Variants in PROSER2 observed in about 807,000 individuals in gnomAD.
The protein encoded by PROSER2 is proline and serine rich 2.
A neutral mutation model predicts 14.6 loss-of-function variants in PROSER2; 18 were observed. That is an observed-to-expected ratio of 1.23 (90% CI 0.85 to 1.83). PROSER2 has a LOEUF of 1.83. Ranked by LOEUF, PROSER2 falls within the 40% of genes most tolerant of loss-of-function variation. The pLI, the probability that PROSER2 is intolerant of heterozygous loss-of-function variation, is 0.00. For synonymous variants in PROSER2, 367 were observed against 286.4 expected, an observed-to-expected ratio of 1.28 and a Z score of -2.84; for missense variants, 823 against 629.8, an observed-to-expected ratio of 1.31 and a Z score of -3.28.
rs1834321585 is a variant in PROSER2 at position 11,865,221 on chromosome 10, A to T, written c.139-1310A>T. On this transcript the variant is annotated intron_variant, in intron 2 of 3. Coordinates refer to ENST00000277570, the MANE Select transcript of PROSER2 (RefSeq NM_153256.4). This position sits in a 1 kb window ranked among gnomAD's most constrained non-coding sequence, Gnocchi z 4.2. ...TATCCTTTTTTTTCATAGTTTTCTG[A>T]TTTTACAACTTTATCTTTTAGGCTT... Among the ~76,000 whole-genome samples the T allele has an allele frequency of 6.8e-6, 1 of 146,284 alleles. No individual in the cohort carries two copies. The highest frequency in any genetic ancestry group is 1.5e-5 in the Non-Finnish European group (1 of 66,142).
chr10:11,860,020 C>T lies in PROSER2; in HGVS notation c.139-6511C>T, dbSNP rs562079780. On this transcript the variant is annotated intron_variant, in intron 2 of 3. Transcript: ENST00000277570. ...CTGACCCTGAGGCCCTGATCCCTTC[C>T]CCACCGGCACTCTCTGCTTCTGCTC... Among the ~76,000 whole-genome samples, 4 of 152,312 alleles carry T rather than the reference C, an allele frequency of 2.6e-5. No homozygotes were observed. In the East Asian group the frequency reaches 5.8e-4, roughly 22 times the overall value.
At chr10:11,840,922 CAAAAAAAAAAAAAAAAAAAA>C (rs1169517487) in intron 1 of PROSER2, among the ~76,000 whole-genome samples, 1 of 50,374 alleles carries the variant, frequency 2.0e-5, no homozygotes, top group African/African-American at 8.0e-5. Context: ...GAGACTGTCT[CAAAAAAAAAAAAAAAAAAAA>C]AAAAAAAAAA....
intron 1 of PROSER2, among the ~76,000 whole-genome samples, chr10:11,834,283 G>A (rs1207085934): frequency 1.3e-5 from 2 of 150,712 alleles, no homozygotes; most frequent in Admixed American, 6.6e-5. Flanking sequence ...GTGAGCCACC[G>A]CGCCTGGCCA....
At chr10:11,834,554 G>A (rs1164513450) in intron 1 of PROSER2, among the ~76,000 whole-genome samples, 1 of 151,710 alleles carries the variant, frequency 6.6e-6, no homozygotes, top group Non-Finnish European at 1.5e-5. Flanking sequence ...GGCCAACCTG[G>A]TGAAACCCCA....
In PROSER2 at chr10:11,869,407, T is replaced by G; in HGVS notation, c.392-83T>G. ...GTTGGTGTCAGGTCCAGGTTGAGGC[T>G]CTTTTCAGTTCAGCGAGAGGGAACT... is the stretch of plus-strand genomic sequence containing the variant. On this transcript the variant is annotated intron_variant, in intron 3 of 3. Coordinates refer to ENST00000277570, the MANE Select transcript of PROSER2 (RefSeq NM_153256.4). This position sits in a 1 kb window ranked among gnomAD's most constrained non-coding sequence, Gnocchi z 4.4. 1 of 1,056,072 alleles carries G rather than the reference T, an allele frequency of 9.5e-7. No individual in the cohort carries two copies. Among genetic ancestry groups the G allele is most frequent in the South Asian group, 1.4e-5 (1 of 73,696 alleles). The allele number at this position is 1,056,072 out of a possible 1,614,324, so 65.4% of individuals were successfully genotyped here.
At chr10:11,863,416 T>TA (rs1365249438) in intron 2 of PROSER2, among the ~76,000 whole-genome samples, 1 of 152,016 alleles carries the variant, frequency 6.6e-6, no homozygotes, top group Non-Finnish European at 1.5e-5. Context: ...CGTGCACCTG[T>TA]AGTCCCAGCA....
Position 11,869,646 on chromosome 10 carries a change from A to G in PROSER2, c.548A>G (p.Glu183Gly), listed in dbSNP as rs1172421096. Residue 183 changes from glutamate (E) to glycine (G), a missense_variant, in exon 4 of 4, where the codon GAG (glutamate) becomes GGG (glycine). Glu to Gly is a moderately conservative substitution (Grantham distance 98). Coordinates refer to ENST00000277570, the MANE Select transcript of PROSER2 (RefSeq NM_153256.4). This position sits in a 1 kb window ranked among gnomAD's most constrained non-coding sequence, Gnocchi z 4.4. ...RELRAPSPPV[E>G]HPRLLRSVPT... ...CTGCGCGCCCCCTCCCCGCCGGTGG[A>G]GCACCCCAGACTCCTGCGCTCTGTT... is the stretch of plus-strand genomic sequence containing the variant. 1.9e-6 allele frequency: 3 copies of G among 1,601,090 alleles called. No individual in the cohort carries two copies. Among genetic ancestry groups the G allele is most frequent in the Non-Finnish European group, 1.7e-6 (2 of 1,174,086 alleles).
intron 1 of PROSER2, among the ~76,000 whole-genome samples, chr10:11,833,090 C>T (rs988314630): frequency 1.7e-4 from 26 of 152,082 alleles, no homozygotes; most frequent in African/African-American, 5.1e-4. Flanking sequence ...GTGATCCGCC[C>T]ACCTCAGCCT....
chr10:11,840,941 AAAAAAAAAAAAAAAATATATATATAT>A (rs1833830734), intron 1 of PROSER2, among the ~76,000 whole-genome samples: 3 of 56,806 alleles, frequency 5.3e-5, no homozygotes, highest in African/African-American at 2.9e-4. Context: ...AAAAAAAAAA[AAAAAAAAAAAAAAAATATATATATAT>A]ATATATATAT....
chr10:11,824,478 G>A (rs1017229550), intron 1 of PROSER2, among the ~76,000 whole-genome samples: 5 of 152,148 alleles, frequency 3.3e-5, no homozygotes, highest in Admixed American at 6.5e-5. Context: ...GCCCCAGCAT[G>A]CACTAAAAAG....
At chr10:11,825,496 G>A (rs1389996498) in intron 1 of PROSER2, among the ~76,000 whole-genome samples, 1 of 152,118 alleles carries the variant, frequency 6.6e-6, no homozygotes, top group Non-Finnish European at 1.5e-5. Flanking sequence ...AGCCGTCCCC[G>A]CTCCACTCTG....
chr10:11,852,307 C>A, intron 2 of PROSER2, 92 bp downstream of exon 2: 1 of 1,363,414 alleles, frequency 7.3e-7, no homozygotes, highest in Non-Finnish European at 9.9e-7. Flanking sequence ...TTTACCAGAT[C>A]TTTTTGGGTC....
At chr10:11,843,131 G>A (rs1350244387) in intron 1 of PROSER2, among the ~76,000 whole-genome samples, 3 of 149,342 alleles carry the variant, frequency 2.0e-5, no homozygotes, top group African/African-American at 7.3e-5. Context: ...TAGTATAGAC[G>A]GGGTTTCACC....
chr10:11,850,056 G>C (rs772567165), intron 1 of PROSER2: 1 of 152,314 alleles, frequency 6.6e-6, no homozygotes, highest in Admixed American at 6.5e-5. Flanking sequence ...TTTGTTCCTT[G>C]TACAGCAGCA....
chr10:11,865,450 T>C lies in PROSER2; in HGVS notation c.139-1081T>C, dbSNP rs890571246. Among the ~76,000 whole-genome samples the C allele has an allele frequency of 2.6e-5, 4 of 152,264 alleles. No individual in the cohort carries two copies. Among genetic ancestry groups the C allele is most frequent in the Non-Finnish European group, 4.4e-5 (3 of 68,048 alleles). On this transcript the variant is annotated intron_variant, in intron 2 of 3. Transcript: ENST00000277570. This position sits in a 1 kb window ranked among gnomAD's most constrained non-coding sequence, Gnocchi z 4.2. ...TTGCTTTTCTATCCTTTGATTTTGA[T>C]AGCTGTTTCACATTAACAGTTTTCC... is the stretch of plus-strand genomic sequence containing the variant.
intron 1 of PROSER2, among the ~76,000 whole-genome samples, chr10:11,847,851 T>C (rs117238864): frequency 0.045 from 6,859 of 152,334 alleles, 211 homozygotes; most frequent in South Asian, 0.061. Flanking sequence ...TTTTCTCTTC[T>C]TACCTGACAG....
At chr10:11,868,954 T>G (rs1834407861) in intron 3 of PROSER2, among the ~76,000 whole-genome samples, 2 of 152,136 alleles carry the variant, frequency 1.3e-5, no homozygotes, top group South Asian at 2.1e-4. Flanking sequence ...CCCGGCCCAG[T>G]GTTGTATTGA....
intron 1 of PROSER2, among the ~76,000 whole-genome samples, chr10:11,848,069 G>A (rs1833951418): frequency 6.6e-6 from 1 of 152,168 alleles, no homozygotes. Flanking sequence ...CATTTTCCTT[G>A]TGTATCTTTT....
In PROSER2 at chr10:11,856,809, C is replaced by A. The variant is rs576559548; in HGVS notation, c.138+4594C>A. Among the ~76,000 whole-genome samples, 1 of 152,296 alleles carries A rather than the reference C, an allele frequency of 6.6e-6. No homozygotes were observed. Among genetic ancestry groups the A allele is most frequent in the Admixed American group, 6.5e-5 (1 of 15,296 alleles). ...AGGCATGGCAAGCACTGGGGGGCTT[C>A]CCACGTGGCCGGGCCGGAGCAAAGT... On this transcript the variant is annotated intron_variant, in intron 2 of 3. Coordinates refer to ENST00000277570, the MANE Select transcript of PROSER2 (RefSeq NM_153256.4). The surrounding 1 kb of genome is among the most constrained non-coding windows in gnomAD (Gnocchi z 5.3).
Sources: gnomAD v4.1 joint callset for allele counts (sites outside exome capture counted in the v4.1 genomes callset) on GRCh38, gnomAD v4.1.1 for gene constraint, Gnocchi (gnomAD v3.1) non-coding constraint, MANE v1.5 for transcripts, NCBI Gene and HGNC (gene_info 2026-07-23, HGNC 2026-07-21) for gene names.